The following SNAP91 variants were observed in gnomAD, a reference collection of about 807,000 sequenced individuals.
The protein encoded by SNAP91 is synaptosome associated protein 91, also known as clathrin coat assembly protein AP180.
Under a neutral mutation model 100.3 loss-of-function variants are expected in SNAP91, and 27 were observed. That is an observed-to-expected ratio of 0.27 (90% confidence interval 0.20 to 0.37). The LOEUF (loss-of-function observed/expected upper bound fraction) is 0.37, where lower values mean the gene tolerates loss of function less well. Among genes scored for constraint, SNAP91 ranks in the 10% least tolerant of loss-of-function variants. The pLI is 1.00. For synonymous variants in SNAP91, 404 were observed against 398.6 expected (o/e 1.01, Z -0.16); for missense variants, 986 against 1,123.7 (o/e 0.88, Z 1.75).
intron 8 of SNAP91, among the ~76,000 whole-genome samples, chr6:83,632,678 T>C (rs1475739993): frequency 6.6e-6 from 1 of 152,236 alleles, no homozygotes; most frequent in African/African-American, 2.4e-5. Flanking sequence ...ATTCTATTGC[T>C]GAGACTTTCC....
At chr6:83,697,888 G>A (rs1315359401) in intron 2 of SNAP91, among the ~76,000 whole-genome samples, 1 of 152,050 alleles carries the variant, frequency 6.6e-6, no homozygotes, top group Non-Finnish European at 1.5e-5. Context: ...TGTTTGGCGT[G>A]AGGAATAAGA....
At chr6:83,591,817 A>C (rs965765491) in intron 21 of SNAP91, among the ~76,000 whole-genome samples, 1 of 152,178 alleles carries the variant, frequency 6.6e-6, no homozygotes, top group African/African-American at 2.4e-5. Context: ...ATGATGCTTC[A>C]ATGTACAGGA....
intron 2 of SNAP91, among the ~76,000 whole-genome samples, chr6:83,683,914 C>T (rs35594074): frequency 0.17 from 26,608 of 152,154 alleles, 2,972 homozygotes; most frequent in South Asian, 0.28. Context: ...CACCACACCA[C>T]ACAGATACTA....
chr6:83,574,921 G>A (rs889319441), intron 26 of SNAP91, 89 bp downstream of exon 26: 6 of 778,922 alleles, frequency 7.7e-6, no homozygotes, highest in South Asian at 1.6e-5. Context: ...GTACACCGTC[G>A]GCAGCAAAGT....
intron 2 of SNAP91, among the ~76,000 whole-genome samples, chr6:83,705,906 A>G (rs1403741272): frequency 6.6e-6 from 1 of 152,164 alleles, no homozygotes; most frequent in Non-Finnish European, 1.5e-5. Flanking sequence ...CTATATAGTA[A>G]CTGCTCAATA....
chr6:83,611,576 C>T (rs2096075294), intron 11 of SNAP91: 3 of 318,038 alleles, frequency 9.4e-6, no homozygotes, highest in Non-Finnish European at 1.9e-5. Context: ...AAATATCACA[C>T]ACATAGCAGC....
intron 7 of SNAP91, among the ~76,000 whole-genome samples, chr6:83,651,341 T>C (rs1277035465): frequency 1.3e-5 from 2 of 152,196 alleles, no homozygotes; most frequent in Non-Finnish European, 2.9e-5. Flanking sequence ...CTTAGGTGAC[T>C]GATTTTAGAT....
chr6:83,566,516 C>T (rs1167260121), intron 26 of SNAP91, among the ~76,000 whole-genome samples: 1 of 152,052 alleles, frequency 6.6e-6, no homozygotes, highest in African/African-American at 2.4e-5. Flanking sequence ...GAGAAAAGGG[C>T]TTTATTAGCT....
In SNAP91 at chr6:83,564,523, C is replaced by T. The variant is rs569858706; in HGVS notation, c.2443-3576G>A. ...AACCACAGGTGCATGCCACTGCACCCGGCTAATTTTATTTTATTTTTTGTA... is the reference window on the plus strand; with the variant it reads ...AACCACAGGTGCATGCCACTGCACCTGGCTAATTTTATTTTATTTTTTGTA... On this transcript the variant is annotated intron_variant, in intron 26 of 29. Transcript: ENST00000369694. Among the ~76,000 whole-genome samples the T allele has an allele frequency of 1.4e-4, 21 of 151,866 alleles. No homozygotes were observed. In the East Asian group the frequency reaches 3.1e-3, roughly 22 times the overall value.
At chr6:83,681,308 G>A (rs1180376941) in intron 2 of SNAP91, among the ~76,000 whole-genome samples, 1 of 152,086 alleles carries the variant, frequency 6.6e-6, no homozygotes, top group Admixed American at 6.6e-5. Flanking sequence ...GCATTGGCCT[G>A]AACTTTGATT....
At chr6:83,695,852 C>A in intron 2 of SNAP91, among the ~76,000 whole-genome samples, 1 of 150,398 alleles carries the variant, frequency 6.6e-6, no homozygotes, top group East Asian at 2.0e-4. Flanking sequence ...GTTATGTCAC[C>A]AAGGAACACA....
rs776471185 is a variant in SNAP91 at position 83,600,591 on chromosome 6, T to G, written c.1324+680A>C. On this transcript the variant is annotated intron_variant, in intron 16 of 29. Transcript: ENST00000369694. ...TGGCTCATCAGGTCCAGGCATATTA[T>G]AGTGGGTCAGAATTTACATTTCCAT... 2.0e-5 allele frequency among the ~76,000 whole-genome samples: 3 copies of G among 152,202 alleles called. No homozygotes were observed. In the East Asian group the frequency reaches 5.8e-4, roughly 29 times the overall value.
intron 16 of SNAP91, among the ~76,000 whole-genome samples, chr6:83,597,513 T>C (rs2094604795): frequency 6.6e-6 from 1 of 152,248 alleles, no homozygotes; most frequent in Admixed American, 6.5e-5. Flanking sequence ...CAACCAGCTC[T>C]ATTTCCTAGA....
intron 22 of SNAP91, among the ~76,000 whole-genome samples, chr6:83,588,683 C>T (rs2093245325): frequency 6.6e-6 from 1 of 152,154 alleles, no homozygotes; most frequent in African/African-American, 2.4e-5. Context: ...AATCTCTTGG[C>T]TCTGTTACTG....
intron 26 of SNAP91, among the ~76,000 whole-genome samples, chr6:83,563,056 T>C (rs956297221): frequency 1.3e-5 from 2 of 152,144 alleles, no homozygotes; most frequent in Admixed American, 1.3e-4. Flanking sequence ...TTGGTAGAAA[T>C]AAACAACACA....
At chr6:83,585,717 A>C (rs2092420743) in intron 22 of SNAP91, among the ~76,000 whole-genome samples, 1 of 152,120 alleles carries the variant, frequency 6.6e-6, no homozygotes, top group South Asian at 2.1e-4. Context: ...TGAATGTGTT[A>C]TTCTAAAGGG....
chr6:83,570,885 TG>T (rs1271305598), intron 26 of SNAP91, among the ~76,000 whole-genome samples: 1 of 152,028 alleles, frequency 6.6e-6, no homozygotes, highest in Non-Finnish European at 1.5e-5. Context: ...AAATGTGGGA[TG>T]GGGGCCCCCA....
chr6:83,698,326 C>CAAAAA (rs34370410), intron 2 of SNAP91, among the ~76,000 whole-genome samples: 1 of 108,176 alleles, frequency 9.2e-6, no homozygotes, highest in South Asian at 3.0e-4. Flanking sequence ...TCTCCAAGGC[C>CAAAAA]AAAAAAAAAA....
chr6:83,629,219 A>G (rs1165844278), intron 8 of SNAP91, among the ~76,000 whole-genome samples: 4 of 152,084 alleles, frequency 2.6e-5, no homozygotes, highest in African/African-American at 9.7e-5. Context: ...CCATTGGTCT[A>G]TGTGCCTATT....
Sources: allele counts gnomAD v4.1 joint callset (sites outside exome capture counted in the v4.1 genomes callset), GRCh38; gene constraint gnomAD v4.1.1; transcripts MANE v1.5; gene names NCBI Gene and HGNC (gene_info 2026-07-23, HGNC 2026-07-21).